The following GSE1 variants were observed in gnomAD, a reference collection of about 807,000 sequenced individuals.
The protein encoded by GSE1 is Gse1 coiled-coil protein, also known as genetic suppressor element 1.
A neutral mutation model predicts 112.6 loss-of-function variants in GSE1; 32 were observed. The ratio of observed to expected loss-of-function variants is 0.28; its 90% CI spans 0.21 to 0.38. The LOEUF is 0.38. Among genes scored for constraint, GSE1 ranks in the 10% least tolerant of loss-of-function variants. The pLI, the probability that GSE1 is intolerant of heterozygous loss-of-function variation, is 1.00. For synonymous variants in GSE1, 1,115 were observed against 735.6 expected (o/e 1.52, Z -8.35); for missense variants, 2,348 against 1,699.2 (o/e 1.38, Z -6.71).
At chr16:85,657,104 A>T (rs1218184647) in intron 7 of GSE1, among the ~76,000 whole-genome samples, 173 bp from the exon 8 acceptor site, 1 of 152,202 alleles carries the variant, frequency 6.6e-6, no homozygotes, top group East Asian at 1.9e-4. Context: ...CAGGGACAAG[A>T]CATGCTTCTT....
Position 85,537,022 on chromosome 16 carries a change from G to A in GSE1, c.2465-96892G>A, listed in dbSNP as rs985882196. ...CAGGCCCCACCCCGACGAGTGGGCT[G>A]GGCAGTGGTCAGGTCCTGCCCTCTC... On this transcript the variant is annotated intron_variant, in intron 2 of 2. Transcript: ENST00000637419. Among the ~76,000 whole-genome samples, 9 of 152,272 alleles carry A rather than the reference G, an allele frequency of 5.9e-5. No homozygotes were observed. The South Asian group carries it at 1.9e-3, about 32-fold the overall frequency.
intron 1 of GSE1, among the ~76,000 whole-genome samples, chr16:85,225,727 G>A (rs1406140918): frequency 6.6e-6 from 1 of 152,256 alleles, no homozygotes; most frequent in Non-Finnish European, 1.5e-5. Context: ...TGTCTTCAGA[G>A]CCTCTCAAAC....
chr16:85,298,284 C>G (rs946558940), intron 1 of GSE1, among the ~76,000 whole-genome samples: 1 of 152,182 alleles, frequency 6.6e-6, no homozygotes, highest in African/African-American at 2.4e-5. Flanking sequence ...CCAGATGTCT[C>G]CAAGAGGCAA....
chr16:85,306,203 A>G (rs2045673589), intron 1 of GSE1: 1 of 154,230 alleles, frequency 6.5e-6, no homozygotes, highest in African/African-American at 2.4e-5. Context: ...ATTGGTCTCC[A>G]GTTTCCCTAA....
At chr16:85,660,357 C>T (rs1158913691) in intron 8 of GSE1, among the ~76,000 whole-genome samples, 2 of 152,190 alleles carry the variant, frequency 1.3e-5, no homozygotes, top group Non-Finnish European at 1.5e-5. Flanking sequence ...TGTTGGAGGG[C>T]CGGGCACAGT....
chr16:85,390,387 G>C (rs750599168), intron 2 of GSE1, among the ~76,000 whole-genome samples: 13 of 152,046 alleles, frequency 8.6e-5, no homozygotes, highest in Admixed American at 1.3e-4. Context: ...CCTGCTAAGT[G>C]GGGGGCACCC....
chr16:85,569,576 C>G (rs1024091230), intron 1 of GSE1, among the ~76,000 whole-genome samples: 3 of 152,216 alleles, frequency 2.0e-5, no homozygotes, highest in South Asian at 2.1e-4. Context: ...CGGACTTGCT[C>G]TTGGTATTAT....
At chr16:85,646,065 GC>G (rs1054488062) in intron 2 of GSE1, among the ~76,000 whole-genome samples, 2 of 138,272 alleles carry the variant, frequency 1.4e-5, no homozygotes, top group Admixed American at 1.4e-4. Flanking sequence ...CGCTTCCTAT[GC>G]ATGCATTCTA....
At chr16:85,195,854 C>G (rs957861079) in intron 1 of GSE1, among the ~76,000 whole-genome samples, 3 of 152,164 alleles carry the variant, frequency 2.0e-5, no homozygotes, top group African/African-American at 7.2e-5. Context: ...TAAAACAAAT[C>G]AAAGCCAGCA....
At chr16:85,536,043 G>T (rs2044315336) in intron 2 of GSE1, among the ~76,000 whole-genome samples, 1 of 152,242 alleles carries the variant, frequency 6.6e-6, no homozygotes, top group African/African-American at 2.4e-5. Context: ...TGCAAGAGGG[G>T]ACAGTAGCAA....
At chr16:85,361,120 G>T (rs1318011498) in intron 2 of GSE1, among the ~76,000 whole-genome samples, 1 of 147,770 alleles carries the variant, frequency 6.8e-6, no homozygotes, top group Non-Finnish European at 1.5e-5. Flanking sequence ...GACAGACAGA[G>T]ACAGGCACAG....
At chr16:85,556,676 T>C (rs2045232877) in intron 1 of GSE1, among the ~76,000 whole-genome samples, 1 of 149,264 alleles carries the variant, frequency 6.7e-6, no homozygotes, top group South Asian at 2.2e-4. Context: ...GCCGAGGCAC[T>C]TAAACCTTCC....
At chr16:85,301,080 A>C (rs1186584260) in intron 1 of GSE1, among the ~76,000 whole-genome samples, 3 of 152,134 alleles carry the variant, frequency 2.0e-5, no homozygotes, top group Admixed American at 6.5e-5. Flanking sequence ...CGGCTCTCTA[A>C]AGTGGCCCCA....
At chr16:85,518,288 G>A (rs1454517410) in intron 2 of GSE1, among the ~76,000 whole-genome samples, 3 of 152,214 alleles carry the variant, frequency 2.0e-5, no homozygotes, top group Admixed American at 6.5e-5. Flanking sequence ...GTCTCTGGGT[G>A]ATGAGTGTGC....
intron 1 of GSE1, among the ~76,000 whole-genome samples, chr16:85,567,408 G>A (rs1048414971): frequency 5.3e-5 from 8 of 152,218 alleles, no homozygotes; most frequent in Admixed American, 2.6e-4. Flanking sequence ...GAGGCAAGGT[G>A]ATTTGCTGTG....
intron 1 of GSE1, among the ~76,000 whole-genome samples, chr16:85,253,130 G>C (rs1349483525): frequency 1.3e-5 from 2 of 149,248 alleles, no homozygotes; most frequent in Non-Finnish European, 3.0e-5. Context: ...GACGGGGAGA[G>C]CATATGGCGG....
intron 2 of GSE1, among the ~76,000 whole-genome samples, chr16:85,644,547 TGA>T (rs1189111401): frequency 6.6e-6 from 1 of 151,952 alleles, no homozygotes; most frequent in South Asian, 2.1e-4. Context: ...CGGCTCCCAG[TGA>T]GAGGAGCCAG....
intron 1 of GSE1, among the ~76,000 whole-genome samples, chr16:85,573,406 G>A (rs1344417740): frequency 6.6e-6 from 1 of 152,108 alleles, no homozygotes; most frequent in Non-Finnish European, 1.5e-5. Flanking sequence ...TGGTTATTAC[G>A]AATAATGCTG....
chr16:85,324,059 G>T (rs1253134848), intron 1 of GSE1, among the ~76,000 whole-genome samples: 1 of 152,242 alleles, frequency 6.6e-6, no homozygotes, highest in African/African-American at 2.4e-5. Flanking sequence ...ATAATAACAA[G>T]TGTTGGCGAG....
Sources: allele counts gnomAD v4.1 joint callset (sites outside exome capture counted in the v4.1 genomes callset), GRCh38; gene constraint gnomAD v4.1.1; transcripts MANE v1.5; gene names NCBI Gene and HGNC (gene_info 2026-07-23, HGNC 2026-07-21).